The following SP140 variants were observed in gnomAD, a reference collection of about 807,000 sequenced individuals.
SP140 encodes the protein SP140 nuclear body protein.
A neutral mutation model predicts 125.0 loss-of-function variants in SP140; 81 were observed. The ratio of observed to expected loss-of-function variants is 0.65; its 90% CI spans 0.54 to 0.78. The LOEUF (loss-of-function observed/expected upper bound fraction) is 0.78, where lower values mean the gene tolerates loss of function less well. SP140 is among the 30% of genes least tolerant of loss of function. SP140 has a pLI of 0.00. For synonymous variants in SP140, 312 were observed against 354.0 expected (o/e 0.88, Z 1.33); for missense variants, 858 against 1,037.0 (o/e 0.83, Z 2.37).
chr2:230,229,746 TTTTG>T (rs2046983063), intron 1 of SP140, among the ~76,000 whole-genome samples: 2 of 152,030 alleles, frequency 1.3e-5, no homozygotes, highest in Admixed American at 1.3e-4. Flanking sequence ...TTTCCTCAGT[TTTTG>T]TTTGTTTGAG....
At chr2:230,239,249 A>T (rs1201606531) in intron 3 of SP140, among the ~76,000 whole-genome samples, 4 of 152,182 alleles carry the variant, frequency 2.6e-5, no homozygotes, top group Non-Finnish European at 5.9e-5. Context: ...GATTGGTTTC[A>T]GGAATACCCA....
the SP140 span, among the ~76,000 whole-genome samples, chr2:230,191,310 T>C: frequency 3.5e-3 from 521 of 150,934 alleles, 2 homozygotes; most frequent in Non-Finnish European, 6.3e-3. Flanking sequence ...TTGAAGGAGA[T>C]AGAGACACAA....
chr2:230,284,987 A>G (rs984100385), intron 16 of SP140, among the ~76,000 whole-genome samples: 1 of 152,146 alleles, frequency 6.6e-6, no homozygotes, highest in Admixed American at 6.5e-5. Flanking sequence ...ATGTATGTGT[A>G]TATATTAAAA....
chr2:230,254,342 C>T (rs921678575), intron 11 of SP140, among the ~76,000 whole-genome samples: 1 of 152,164 alleles, frequency 6.6e-6, no homozygotes, highest in African/African-American at 2.4e-5. Flanking sequence ...TAAGGTCCTT[C>T]TAGGTAGAGA....
intron 15 of SP140, among the ~76,000 whole-genome samples, chr2:230,271,582 T>G (rs577422216): frequency 2.0e-5 from 3 of 152,314 alleles, no homozygotes; most frequent in Admixed American, 6.5e-5. Context: ...CCTGTACTCA[T>G]GTGAAAAGCA....
chr2:230,315,338 C>G (rs2059477500), downstream of SP140, among the ~76,000 whole-genome samples: 1 of 152,184 alleles, frequency 6.6e-6, no homozygotes, highest in Admixed American at 6.5e-5. Context: ...AAGTAACTCA[C>G]ATGCCGGGGA....
rs774638857 is a variant in SP140 at position 230,253,426 on chromosome 2, G to A, written c.1159+9G>A. 1 of 1,578,700 alleles carries A rather than the reference G, an allele frequency of 6.3e-7. No homozygotes were observed. On this transcript the variant is annotated intron_variant, in intron 11 of 26. Coordinates refer to ENST00000392045, the MANE Select transcript of SP140 (RefSeq NM_007237.5). ...ACCAGGTGAAGGAGAAGGTAATTAT[G>A]ATGTACATTTTTAGGTATTTGAGTA...
the SP140 span, among the ~76,000 whole-genome samples, chr2:230,192,265 G>C: frequency 2.6e-5 from 4 of 152,218 alleles, no homozygotes; most frequent in South Asian, 4.1e-4. Context: ...ATTCAACATA[G>C]TATTAGAAGT....
rs182241877 is a variant in SP140, at chr2:230,277,475, A to G, written c.1498+6836A>G. Among the ~76,000 whole-genome samples the G allele has an allele frequency of 1.3e-3, 202 of 152,278 alleles. 1 individual carries two copies. The highest frequency in any genetic ancestry group is 4.5e-3 in the African/African-American group (187 of 41,560). On this transcript the variant is annotated intron_variant, in intron 15 of 26. Transcript: ENST00000392045. ...TTCATATGCACTGGGAAACCAAAAC[A>G]TTTGTGTGATTTACCTTATTGCAAT...
At chr2:230,261,934 C>T (rs111635632) in intron 12 of SP140, among the ~76,000 whole-genome samples, 2,713 of 152,156 alleles carry the variant, frequency 0.018, 84 homozygotes, top group African/African-American at 0.062. Flanking sequence ...TATGTCCTTT[C>T]CTGGTGTTGG....
At chr2:230,261,506 AG>A (rs1484622416) in intron 12 of SP140, among the ~76,000 whole-genome samples, 2 of 152,092 alleles carry the variant, frequency 1.3e-5, no homozygotes, top group African/African-American at 4.8e-5. Flanking sequence ...AGGAGTGGCG[AG>A]AGTGGGCATC....
intron 12 of SP140, among the ~76,000 whole-genome samples, chr2:230,268,169 G>T (rs2053404410): frequency 2.0e-5 from 3 of 152,158 alleles, no homozygotes; most frequent in Admixed American, 1.3e-4. Context: ...CCATCTGCCT[G>T]TAATATGACC....
At chr2:230,294,631 C>T (rs1385705266) in intron 21 of SP140, among the ~76,000 whole-genome samples, 1 of 152,174 alleles carries the variant, frequency 6.6e-6, no homozygotes, top group Non-Finnish European at 1.5e-5. Flanking sequence ...GAAAGTCAAG[C>T]ATGGTCATGG....
At chr2:230,215,253 A>G (rs2044981034) in intron 3 of SP140, 2 of 738,322 alleles carry the variant, frequency 2.7e-6, no homozygotes, top group Non-Finnish European at 4.6e-6. Context: ...ATATAGTCAC[A>G]TTCTCTAAGG....
intron 15 of SP140, among the ~76,000 whole-genome samples, chr2:230,281,970 T>C (rs1041562794): frequency 2.0e-5 from 3 of 152,046 alleles, no homozygotes; most frequent in African/African-American, 7.2e-5. Context: ...CCAGGACCCA[T>C]GAAAAGGATG....
chr2:230,262,508 C>A (rs1342059356), intron 12 of SP140, among the ~76,000 whole-genome samples: 2 of 151,526 alleles, frequency 1.3e-5, no homozygotes, highest in Non-Finnish European at 2.9e-5. Flanking sequence ...TTGGTTTGTT[C>A]TTGTTTCTCT....
intron 11 of SP140, 57 bp from the exon 12 acceptor site, chr2:230,255,395 A>G: frequency 1.9e-6 from 3 of 1,592,030 alleles, no homozygotes; most frequent in Non-Finnish European, 2.6e-6. Flanking sequence ...TTTTCTCTTC[A>G]TGATTTTTTG....
intron 22 of SP140, among the ~76,000 whole-genome samples, chr2:230,306,848 C>A (rs116780691): frequency 0.018 from 2,753 of 152,322 alleles, 37 homozygotes; most frequent in Non-Finnish European, 0.028. Flanking sequence ...GAAAGGCAGA[C>A]AGGCTCCTGG....
chr2:230,235,600 A>G (rs1030950670), intron 1 of SP140, among the ~76,000 whole-genome samples: 3 of 152,142 alleles, frequency 2.0e-5, no homozygotes, highest in African/African-American at 7.2e-5. Context: ...CCCAATGACC[A>G]TTTCCTGGTG....
Sources: allele counts gnomAD v4.1 joint callset (sites outside exome capture counted in the v4.1 genomes callset), GRCh38; gene constraint gnomAD v4.1.1; transcripts MANE v1.5; gene names NCBI Gene and HGNC (gene_info 2026-07-23, HGNC 2026-07-21).